CDIN1: variants seen among roughly 807,000 people sequenced by gnomAD.
CDIN1 encodes the protein CDAN1-interacting nuclease 1.
Under a neutral mutation model 45.3 loss-of-function variants are expected in CDIN1, and 33 were observed. The observed-to-expected ratio is 0.73, with a 90% CI of 0.55 to 0.97. The LOEUF is 0.97. Among genes scored for constraint, CDIN1 ranks in the 50% least tolerant of loss-of-function variants. The pLI, the probability that CDIN1 is intolerant of heterozygous loss-of-function variation, is 0.00. For missense variants in CDIN1, 303 were observed against 339.4 expected (o/e 0.89, Z 0.84); for synonymous variants, 118 against 124.4 (o/e 0.95, Z 0.34).
At chr15:36,771,742 A>C (rs189551511) in intron 10 of CDIN1, among the ~76,000 whole-genome samples, 15 of 152,306 alleles carry the variant, frequency 9.8e-5, no homozygotes, top group African/African-American at 3.4e-4. Flanking sequence ...AGCCTGGCCA[A>C]CATAGTGAAA....
At chr15:36,699,559 A>T (rs748814872) in intron 8 of CDIN1, among the ~76,000 whole-genome samples, 29 of 152,142 alleles carry the variant, frequency 1.9e-4, no homozygotes, top group Non-Finnish European at 3.7e-4. Context: ...TTTGGACTGC[A>T]TTCAAAAGAC....
In CDIN1 at chr15:36,774,163, T is replaced by TGTGTGTGTGTGTGTGTGCGCGCGC. The variant is rs149222188; in HGVS notation, c.717-34160_717-34159insTGTGTGTGTGTGTGTGCGCGCGCG. 5.3e-4 allele frequency among the ~76,000 whole-genome samples: 76 copies of TGTGTGTGTGTGTGTGTGCGCGCGC among 143,146 alleles called. 1 individual carries two copies. The highest frequency in any genetic ancestry group is 1.9e-3 in the African/African-American group (73 of 37,736). The allele number at this position is 143,146 out of a possible 152,430, so 93.9% of individuals were successfully genotyped here. A position where few individuals can be genotyped will look rare whatever the true frequency, so the allele number is the denominator to read the frequency against. ...GTGTGTGTGTGTGTGTGTGTGTGTG[T>TGTGTGTGTGTGTGTGTGCGCGCGC]GCGCGCGCGCGCATGCATGAGGGGA... On this transcript the variant is annotated intron_variant, in intron 10 of 10. Coordinates refer to ENST00000566621, the MANE Select transcript of CDIN1 (RefSeq NM_001321759.2).
At chr15:36,656,610 A>G (rs985243281) in intron 4 of CDIN1, among the ~76,000 whole-genome samples, 6 of 152,128 alleles carry the variant, frequency 3.9e-5, no homozygotes, top group African/African-American at 1.4e-4. Flanking sequence ...CACATGATTA[A>G]TATGAAAATT....
intron 10 of CDIN1, among the ~76,000 whole-genome samples, chr15:36,785,059 A>C (rs908928056): frequency 6.6e-6 from 1 of 152,094 alleles, no homozygotes; most frequent in Non-Finnish European, 1.5e-5. Flanking sequence ...TGCCCTTGTA[A>C]AGGTTTAGTG....
chr15:36,628,823 A>G (rs962054442), intron 1 of CDIN1, among the ~76,000 whole-genome samples: 3 of 152,212 alleles, frequency 2.0e-5, no homozygotes, highest in African/African-American at 7.2e-5. Context: ...TGCAGATGTA[A>G]TTAACTTAAG....
chr15:36,796,070 A>G (rs1410731503), intron 10 of CDIN1, among the ~76,000 whole-genome samples: 1 of 152,186 alleles, frequency 6.6e-6, no homozygotes, highest in African/African-American at 2.4e-5. Flanking sequence ...TACTTTACAG[A>G]TAACAGTTTT....
chr15:36,739,572 G>A (rs1361370981), intron 10 of CDIN1, among the ~76,000 whole-genome samples: 4 of 152,166 alleles, frequency 2.6e-5, no homozygotes, highest in Non-Finnish European at 5.9e-5. Flanking sequence ...TATGTTATCA[G>A]TATGTTTGGA....
chr15:36,723,891 C>T (rs2043526424), intron 10 of CDIN1, among the ~76,000 whole-genome samples: 1 of 152,192 alleles, frequency 6.6e-6, no homozygotes, highest in Admixed American at 6.5e-5. Flanking sequence ...ATCTTGCCTT[C>T]AGTGAATTTA....
intron 1 of CDIN1, chr15:36,594,818 A>ATT (rs34509141): frequency 0.014 from 10,306 of 725,568 alleles, 3 homozygotes; most frequent in Non-Finnish European, 0.016. Flanking sequence ...GGCACTTAAA[A>ATT]TTTTTTTTTT....
chr15:36,608,436 T>A (rs2038483790), intron 1 of CDIN1, among the ~76,000 whole-genome samples: 1 of 152,208 alleles, frequency 6.6e-6, no homozygotes, highest in Non-Finnish European at 1.5e-5. Context: ...GTTGGGAATC[T>A]TTTTATGTGT....
At chr15:36,615,261 TTTAAA>T (rs2038837880) in intron 1 of CDIN1, among the ~76,000 whole-genome samples, 1 of 152,188 alleles carries the variant, frequency 6.6e-6, no homozygotes, top group South Asian at 2.1e-4. Flanking sequence ...TTGTTGATCT[TTTAAA>T]GTTTCTTTCC....
At chr15:36,760,605 G>A (rs186715129) in intron 10 of CDIN1, among the ~76,000 whole-genome samples, 5 of 152,308 alleles carry the variant, frequency 3.3e-5, no homozygotes, top group Admixed American at 3.3e-4. Flanking sequence ...CTCTTCCACA[G>A]AAATTTTAAG....
chr15:36,712,797 C>T (rs748879750), intron 10 of CDIN1, among the ~76,000 whole-genome samples: 15 of 151,986 alleles, frequency 9.9e-5, no homozygotes, highest in Non-Finnish European at 2.2e-4. Context: ...ATCCCAAGAC[C>T]CAGTTATGAA....
At chr15:36,621,867 G>C (rs1438437876) in intron 1 of CDIN1, among the ~76,000 whole-genome samples, 1 of 114,354 alleles carries the variant, frequency 8.7e-6, no homozygotes, top group Non-Finnish European at 1.8e-5. Flanking sequence ...CTGACAACAA[G>C]TTCAGTTTTT....
chr15:36,597,279 G>A (rs75235452), intron 1 of CDIN1, among the ~76,000 whole-genome samples: 2 of 152,276 alleles, frequency 1.3e-5, no homozygotes, highest in African/African-American at 4.8e-5. Flanking sequence ...CCAGAGTGAT[G>A]GTGATGATAG....
chr15:36,673,417 C>T (rs917595907), intron 5 of CDIN1, among the ~76,000 whole-genome samples: 28 of 152,050 alleles, frequency 1.8e-4, no homozygotes, highest in Non-Finnish European at 5.9e-5. Flanking sequence ...CAAAAAAGTA[C>T]GTTTTTAATT....
At chr15:36,658,835 T>C (rs894222456) in intron 5 of CDIN1, among the ~76,000 whole-genome samples, 2 of 152,182 alleles carry the variant, frequency 1.3e-5, no homozygotes, top group Admixed American at 1.3e-4. Flanking sequence ...TTTCTTTGAA[T>C]CTGCAGTTAC....
chr15:36,768,094 A>G (rs945094925), intron 10 of CDIN1, among the ~76,000 whole-genome samples: 4 of 152,174 alleles, frequency 2.6e-5, no homozygotes, highest in Non-Finnish European at 5.9e-5. Context: ...CCCTGCATCC[A>G]GAGGCTTATA....
intron 5 of CDIN1, among the ~76,000 whole-genome samples, chr15:36,672,894 A>G (rs1465240399): frequency 1.3e-5 from 2 of 152,088 alleles, no homozygotes; most frequent in Non-Finnish European, 2.9e-5. Flanking sequence ...CTGGAGGGAA[A>G]AAAAGCAGGG....
Sources: allele counts gnomAD v4.1 joint callset (sites outside exome capture counted in the v4.1 genomes callset), GRCh38; gene constraint gnomAD v4.1.1; transcripts MANE v1.5; gene names NCBI Gene and HGNC (gene_info 2026-07-23, HGNC 2026-07-21).